The following TNPO1 variants were observed in gnomAD, a reference collection of about 807,000 sequenced individuals.
TNPO1 encodes transportin 1.
A neutral mutation model predicts 119.5 loss-of-function variants in TNPO1; 8 were observed. That is an observed-to-expected ratio of 0.07 (90% CI 0.04 to 0.12). TNPO1 has a LOEUF of 0.12. TNPO1 is among the 10% of genes least tolerant of loss of function. TNPO1 has a pLI of 1.00. For missense variants in TNPO1, 576 were observed against 1,089.8 expected (o/e 0.53, Z 6.64); for synonymous variants, 362 against 363.0 (o/e 1.00, Z 0.03).
At chr5:72,894,578 G>A (rs1749286731) in intron 18 of TNPO1, among the ~76,000 whole-genome samples, 1 of 152,172 alleles carries the variant, frequency 6.6e-6, no homozygotes, top group Non-Finnish European at 1.5e-5. Context: ...AACTGAGGCA[G>A]GAAAATCGCT....
At chr5:72,863,113 A>C (rs1336135958) in intron 5 of TNPO1, among the ~76,000 whole-genome samples, 1 of 151,128 alleles carries the variant, frequency 6.6e-6, no homozygotes, top group Non-Finnish European at 1.5e-5. Context: ...ATGATTTCTC[A>C]TGGTTAGTGG....
chr5:72,877,116 AAT>A, intron 8 of TNPO1, 110 bp from the exon 9 acceptor site: 10 of 492,398 alleles, frequency 2.0e-5, no homozygotes, highest in East Asian at 1.0e-4. Context: ...AAAAAAAAAA[AAT>A]TGCCTAGGTT....
chr5:72,823,496 C>T (rs756337148), intron 1 of TNPO1, among the ~76,000 whole-genome samples: 5 of 152,086 alleles, frequency 3.3e-5, no homozygotes, highest in East Asian at 1.9e-4. Context: ...GCTCTGTTAC[C>T]GCTTCTTCCT....
intron 1 of TNPO1, among the ~76,000 whole-genome samples, chr5:72,822,387 G>T (rs1339456265): frequency 2.0e-5 from 3 of 151,962 alleles, no homozygotes; most frequent in Non-Finnish European, 4.4e-5. Flanking sequence ...TATTGAGAAG[G>T]TTGTAGGGAT....
intron 3 of TNPO1, among the ~76,000 whole-genome samples, chr5:72,854,409 A>G (rs556449657): frequency 6.6e-6 from 1 of 152,308 alleles, no homozygotes; most frequent in East Asian, 1.9e-4. Flanking sequence ...TGCCATTCAG[A>G]GTTTGGGAAC....
intron 11 of TNPO1, among the ~76,000 whole-genome samples, chr5:72,885,861 TAACAGGATACCTG>T (rs1234564202): frequency 6.6e-6 from 1 of 151,686 alleles, no homozygotes; most frequent in Admixed American, 6.6e-5. Flanking sequence ...TGTACTACTA[TAACAGGATACCTG>T]AAGTTCAGAA....
At chr5:72,870,307 C>T (rs1374214172) in intron 6 of TNPO1, among the ~76,000 whole-genome samples, 2 of 151,784 alleles carry the variant, frequency 1.3e-5, no homozygotes, top group African/African-American at 2.4e-5. Flanking sequence ...GAATTACAGG[C>T]GCATGCCATC....
chr5:72,899,660 T>G (rs1749678297), intron 20 of TNPO1, among the ~76,000 whole-genome samples: 1 of 152,196 alleles, frequency 6.6e-6, no homozygotes, highest in Admixed American at 6.5e-5. Flanking sequence ...TCTCTAAATT[T>G]GTCCATTTAA....
At chr5:72,846,998 A>C (rs180733310) in intron 1 of TNPO1, among the ~76,000 whole-genome samples, 1 of 152,332 alleles carries the variant, frequency 6.6e-6, no homozygotes, top group East Asian at 1.9e-4. Flanking sequence ...TAAAAGCACT[A>C]CAGTATTAAT....
intron 6 of TNPO1, 95 bp from the exon 7 acceptor site, chr5:72,872,544 T>C (rs1747483322): frequency 1.3e-6 from 1 of 762,692 alleles, no homozygotes; most frequent in East Asian, 2.8e-5. Context: ...GATAGACATA[T>C]CATAATATTT....
At chr5:72,907,504 A>G (rs1750254431) in intron 24 of TNPO1, among the ~76,000 whole-genome samples, 1 of 152,190 alleles carries the variant, frequency 6.6e-6, no homozygotes, top group African/African-American at 2.4e-5. Context: ...CTGTGAATTC[A>G]CATGAACGTT....
chr5:72,895,369 A>G (rs1420754117), intron 18 of TNPO1, among the ~76,000 whole-genome samples: 1 of 137,238 alleles, frequency 7.3e-6, no homozygotes, highest in African/African-American at 2.7e-5. Flanking sequence ...TTTTTTTTTA[A>G]TGTTACCAAT....
intron 1 of TNPO1, among the ~76,000 whole-genome samples, chr5:72,835,341 A>G (rs1450945001): frequency 6.6e-6 from 1 of 152,144 alleles, no homozygotes; most frequent in African/African-American, 2.4e-5. Flanking sequence ...TTGCTGTTGC[A>G]AAATACCTTA....
rs750377984 is a variant in TNPO1, at chr5:72,861,908, C to G, written c.456C>G (p.Thr152=). ...CSLLDSEDYN[T]CEGAFGALQK... Reference sequence around the variant, plus strand: ...TGTTGGATTCTGAAGATTATAATACCTGTGAGGTAAGGATATTTGTTTCAT... The same window carrying G: ...TGTTGGATTCTGAAGATTATAATACGTGTGAGGTAAGGATATTTGTTTCAT... The change falls in exon 5 of 25, where the codon ACC becomes ACG. Residue 152 remains threonine (T), a synonymous_variant. Coordinates refer to ENST00000337273, the MANE Select transcript of TNPO1 (RefSeq NM_002270.4). The G allele has an allele frequency of 6.2e-7, 1 of 1,606,692 alleles. No individual in the cohort carries two copies. The highest frequency in any genetic ancestry group is 8.5e-7 in the Non-Finnish European group (1 of 1,173,370).
At chr5:72,892,023 C>T (rs1749095387) in intron 15 of TNPO1, 127 bp downstream of exon 15, 1 of 662,588 alleles carries the variant, frequency 1.5e-6, no homozygotes, top group African/African-American at 1.8e-5. Flanking sequence ...TTATATGATA[C>T]ATACTGTTCT....
In TNPO1 at chr5:72,912,368, T is replaced by C. The variant is rs915295828; in HGVS notation, c.*3695T>C. On this transcript the variant is annotated 3_prime_UTR_variant, in exon 25 of 25. Transcript: ENST00000337273. Reference sequence around the variant, plus strand: ...GCATATATTGTAAAATAGGATCAGATGTATATTTTAAACTAATTTCAATGG... The same window carrying C: ...GCATATATTGTAAAATAGGATCAGACGTATATTTTAAACTAATTTCAATGG... 3.9e-5 allele frequency: 6 copies of C among 152,686 alleles called. No individual in the cohort carries two copies. The highest frequency in any genetic ancestry group is 3.9e-4 in the Admixed American group (6 of 15,302). 9.5% of individuals were successfully genotyped at this position (152,686 alleles called of 1,614,324 possible). A position where few individuals can be genotyped will look rare whatever the true frequency, so the allele number is the denominator to read the frequency against.
At chr5:72,896,688 G>A in intron 19 of TNPO1, 132 bp downstream of exon 19, 1 of 600,726 alleles carries the variant, frequency 1.7e-6, no homozygotes, top group East Asian at 3.5e-5. Flanking sequence ...TGGTTGACAT[G>A]GTGAAACCCC....
intron 4 of TNPO1, among the ~76,000 whole-genome samples, chr5:72,858,016 C>T (rs1391251320): frequency 6.6e-6 from 1 of 152,146 alleles, no homozygotes; most frequent in Non-Finnish European, 1.5e-5. Context: ...TAGTAGAATA[C>T]GAAAGGTCTT....
chr5:72,878,786 CTAATTTT>C (rs1748013396), intron 9 of TNPO1: 1 of 318,776 alleles, frequency 3.1e-6, no homozygotes, highest in African/African-American at 2.2e-5. Flanking sequence ...GTCATAGATA[CTAATTTT>C]TATAAAAACT....
Sources: allele counts gnomAD v4.1 joint callset (sites outside exome capture counted in the v4.1 genomes callset), GRCh38; gene constraint gnomAD v4.1.1; transcripts MANE v1.5; gene names NCBI Gene and HGNC (gene_info 2026-07-23, HGNC 2026-07-21).